The following TDRD5 variants were observed in gnomAD, a reference collection of about 807,000 sequenced individuals.
TDRD5 encodes tudor domain-containing protein 5.
A neutral mutation model predicts 120.6 loss-of-function variants in TDRD5; 41 were observed. The ratio of observed to expected loss-of-function variants is 0.34; its 90% CI spans 0.26 to 0.44. The LOEUF is 0.44. Ranked by LOEUF, TDRD5 falls within the 20% of genes least tolerant of loss-of-function variation. TDRD5 has a pLI of 1.00. For missense variants in TDRD5, 1,006 were observed against 1,221.2 expected (o/e 0.82, Z 2.63); for synonymous variants, 430 against 433.7 (o/e 0.99, Z 0.11).
At chr1:179,687,349 G>A (rs143226301) in intron 17 of TDRD5, among the ~76,000 whole-genome samples, 7,608 of 152,214 alleles carry the variant, frequency 0.05, 272 homozygotes, top group Non-Finnish European at 0.07. Flanking sequence ...GTAGTTGAGC[G>A]GTTTTGAGTG....
intron 17 of TDRD5, among the ~76,000 whole-genome samples, chr1:179,683,523 C>G (rs1457700341): frequency 6.6e-6 from 1 of 152,170 alleles, no homozygotes; most frequent in African/African-American, 2.4e-5. Flanking sequence ...AATACGCTGT[C>G]AAATCCTCCT....
intron 7 of TDRD5, 119 bp downstream of exon 7, chr1:179,631,039 G>T (rs747055726): frequency 7.8e-6 from 8 of 1,020,422 alleles, no homozygotes; most frequent in Non-Finnish European, 1.1e-5. Context: ...CTTTCTGGTG[G>T]TATTTGTTGT....
intron 7 of TDRD5, among the ~76,000 whole-genome samples, chr1:179,633,357 C>CT (rs577434818): frequency 0.053 from 7,715 of 145,102 alleles, 259 homozygotes; most frequent in Non-Finnish European, 0.072. Context: ...TGTCTGGAAT[C>CT]TTTTTTTTTT....
In TDRD5 at chr1:179,652,127, C is replaced by T. The variant is rs1678753940; in HGVS notation, c.2090C>T (p.Ser697Phe). 3 of 1,613,976 alleles carry T rather than the reference C, an allele frequency of 1.9e-6. No homozygotes were observed. Among genetic ancestry groups the T allele is most frequent in the East Asian group, 4.5e-5 (2 of 44,864 alleles). ...DIVLTELGYPSQQHYFNEDRK... is the reference protein window; with the variant it reads ...DIVLTELGYPFQQHYFNEDRK... ...GTCTTGACAGAACTGGGTTATCCTT[C>T]CCAGCAGCACTATTTTAATGAAGAC... Residue 697 changes from serine to phenylalanine, a missense_variant, in exon 13 of 18, where the codon TCC becomes TTC. Ser to Phe is a radical substitution (Grantham distance 155, BLOSUM62 -2). Transcript: ENST00000444136.
chr1:179,631,857 T>G (rs72706742), intron 7 of TDRD5, among the ~76,000 whole-genome samples: 11,153 of 146,878 alleles, frequency 0.076, 392 homozygotes, highest in Middle Eastern at 0.096. Flanking sequence ...CTTGATTTTT[T>G]TTTTTTTTTT....
At chr1:179,687,608 C>T (rs1042570390) in intron 17 of TDRD5, among the ~76,000 whole-genome samples, 6 of 150,872 alleles carry the variant, frequency 4.0e-5, no homozygotes, top group African/African-American at 1.2e-4. Context: ...TGTTAACTTT[C>T]TGTCTCATTG....
Position 179,601,106 on chromosome 1 carries a change from CAATT to C in TDRD5, c.831+5291_831+5294del, listed in dbSNP as rs1182763900. Among the ~76,000 whole-genome samples the C allele has an allele frequency of 6.7e-5, 10 of 150,098 alleles. No individual in the cohort carries two copies. The East Asian group carries it at 1.6e-3, about 24-fold the overall frequency. ...TTTGAGTATAATATTCTATAAATGTCAATTAAGTCAGTTATGTCATTGATTTCTT... is the reference window on the plus strand; with the variant it reads ...TTTGAGTATAATATTCTATAAATGTCAAGTCAGTTATGTCATTGATTTCTT... On this transcript the variant is annotated intron_variant, in intron 4 of 17. Transcript: ENST00000444136.
chr1:179,634,572 A>C lies in TDRD5; in HGVS notation c.1242A>C (p.Lys414Asn). 6.2e-7 allele frequency: 1 copy of C among 1,614,060 alleles called. No homozygotes were observed. The highest frequency in any genetic ancestry group is 8.5e-7 in the Non-Finnish European group (1 of 1,180,000). ...TVWNCPSKKQKEPQQKICKKP... is the reference protein window; with the variant it reads ...TVWNCPSKKQNEPQQKICKKP... ...GGAATTGCCCTTCAAAAAAACAAAA[A>C]GAGCCACAACAGAAGATTTGCAAGA... is the stretch of plus-strand genomic sequence containing the variant. The change falls in exon 8 of 18, where the codon AAA becomes AAC. Residue 414 changes from lysine (K) to asparagine (N), a missense_variant. Coordinates refer to ENST00000444136, the MANE Select transcript of TDRD5 (RefSeq NM_001199085.3).
chr1:179,665,483 G>A (rs113799335), intron 16 of TDRD5, among the ~76,000 whole-genome samples: 609 of 152,250 alleles, frequency 4.0e-3, no homozygotes, highest in Non-Finnish European at 6.0e-3. Flanking sequence ...ACCAGCACTA[G>A]TTGTTGAAAC....
chr1:179,617,611 C>A (rs1676627554), intron 4 of TDRD5, among the ~76,000 whole-genome samples: 1 of 151,514 alleles, frequency 6.6e-6, no homozygotes, highest in African/African-American at 2.4e-5. Flanking sequence ...TTCTTTATAT[C>A]TTTGTGACTT....
intron 6 of TDRD5, among the ~76,000 whole-genome samples, chr1:179,630,292 T>C (rs1201330918): frequency 1.3e-5 from 2 of 152,202 alleles, no homozygotes; most frequent in Non-Finnish European, 2.9e-5. Flanking sequence ...CCACCGTGCC[T>C]GGCCTTTATT....
intron 17 of TDRD5, among the ~76,000 whole-genome samples, chr1:179,677,336 G>A (rs1434862678): frequency 6.6e-6 from 1 of 151,964 alleles, no homozygotes; most frequent in Non-Finnish European, 1.5e-5. Flanking sequence ...TCAACCTTCT[G>A]AAATCTTTTT....
chr1:179,603,217 C>T (rs75378747), intron 4 of TDRD5, among the ~76,000 whole-genome samples: 2 of 152,140 alleles, frequency 1.3e-5, no homozygotes, highest in Non-Finnish European at 2.9e-5. Flanking sequence ...GATTTGTGTA[C>T]ATTAATCTTG....
intron 11 of TDRD5, among the ~76,000 whole-genome samples, chr1:179,641,461 C>T (rs557783330): frequency 2.0e-5 from 3 of 151,430 alleles, no homozygotes; most frequent in Non-Finnish European, 2.9e-5. Context: ...ACCCGGGAGG[C>T]GGAGGTTGCA....
At chr1:179,676,675 C>A (rs1398429426) in intron 17 of TDRD5, among the ~76,000 whole-genome samples, 3 of 152,194 alleles carry the variant, frequency 2.0e-5, no homozygotes, top group Admixed American at 1.3e-4. Flanking sequence ...AGAAATAGGA[C>A]CCCAGTCCCT....
chr1:179,641,252 A>G (rs1678029111), intron 11 of TDRD5, among the ~76,000 whole-genome samples: 1 of 152,142 alleles, frequency 6.6e-6, no homozygotes, highest in Admixed American at 6.5e-5. Flanking sequence ...TTTGTAAAGA[A>G]GAAAGAAAAA....
chr1:179,606,321 T>C (rs183480487), intron 4 of TDRD5, among the ~76,000 whole-genome samples: 35 of 151,462 alleles, frequency 2.3e-4, no homozygotes, highest in African/African-American at 8.2e-4. Context: ...AAGAGTTCTT[T>C]GTTTTGTTTT....
intron 12 of TDRD5, 93 bp downstream of exon 12, chr1:179,651,160 A>G (rs1016296533): frequency 1.5e-6 from 2 of 1,377,136 alleles, no homozygotes; most frequent in Non-Finnish European, 2.0e-6. Context: ...TATTTGGTTT[A>G]TTCTTTAACC....
chr1:179,657,951 C>G (rs1467640890), intron 14 of TDRD5, among the ~76,000 whole-genome samples: 1 of 152,260 alleles, frequency 6.6e-6, no homozygotes, highest in African/African-American at 2.4e-5. Flanking sequence ...ATCTCTTGAA[C>G]TTACTCCTCC....
Sources: gnomAD v4.1 joint callset for allele counts (sites outside exome capture counted in the v4.1 genomes callset) on GRCh38, gnomAD v4.1.1 for gene constraint, MANE v1.5 for transcripts, NCBI Gene and HGNC (gene_info 2026-07-23, HGNC 2026-07-21) for gene names.